The following EXOC6B variants were observed in gnomAD, a reference collection of about 807,000 sequenced individuals.
EXOC6B encodes exocyst complex component 6B.
EXOC6B carries 54 observed loss-of-function variants against 113.5 expected under a neutral mutation model. That is an observed-to-expected ratio of 0.48 (90% CI 0.38 to 0.60). The LOEUF (loss-of-function observed/expected upper bound fraction) is 0.60. Among genes scored for constraint, EXOC6B ranks in the 20% least tolerant of loss-of-function variants. The probability of loss-of-function intolerance (pLI) is 0.00; values close to 1 mark genes in which losing one functional copy is unlikely to be tolerated. For missense variants in EXOC6B, 797 were observed against 977.5 expected, an observed-to-expected ratio of 0.82 and a Z score of 2.46; for synonymous variants, 357 against 339.0, an observed-to-expected ratio of 1.05 and a Z score of -0.58.
At chr2:72,455,854 G>A (rs1697198130) in intron 18 of EXOC6B, among the ~76,000 whole-genome samples, 1 of 151,930 alleles carries the variant, frequency 6.6e-6, no homozygotes, top group Admixed American at 6.6e-5. Context: ...AAACAGAGAG[G>A]GAGAGGACAC....
chr2:72,611,626 G>A (rs951346822), intron 6 of EXOC6B, among the ~76,000 whole-genome samples: 1 of 152,052 alleles, frequency 6.6e-6, no homozygotes, highest in African/African-American at 2.4e-5. Flanking sequence ...TGGTTGAGGA[G>A]GATATAGGAA....
chr2:72,426,710 G>A (rs1046388852), intron 18 of EXOC6B, among the ~76,000 whole-genome samples: 7 of 152,196 alleles, frequency 4.6e-5, no homozygotes, highest in Non-Finnish European at 7.3e-5. Context: ...TCCCCAGTGC[G>A]CTTATTTCCC....
chr2:72,788,458 G>A (rs17503444), intron 1 of EXOC6B, among the ~76,000 whole-genome samples: 5,203 of 152,134 alleles, frequency 0.034, 119 homozygotes, highest in Non-Finnish European at 0.05. Context: ...ATGAGGTATC[G>A]AATCTGGGGT....
intron 2 of EXOC6B, among the ~76,000 whole-genome samples, chr2:72,738,503 G>A (rs1263896828): frequency 1.3e-5 from 2 of 152,118 alleles, no homozygotes; most frequent in African/African-American, 2.4e-5. Flanking sequence ...TTGTATTAAT[G>A]TGTACACTTC....
intron 1 of EXOC6B, among the ~76,000 whole-genome samples, chr2:72,800,591 C>T (rs953766853): frequency 2.6e-5 from 4 of 152,162 alleles, no homozygotes; most frequent in African/African-American, 7.2e-5. Flanking sequence ...TTTCTCACAA[C>T]AGCCTTGTAA....
At chr2:72,307,960 T>C (rs1308601173) in intron 20 of EXOC6B, among the ~76,000 whole-genome samples, 1 of 152,164 alleles carries the variant, frequency 6.6e-6, no homozygotes, top group Non-Finnish European at 1.5e-5. Flanking sequence ...TAATATAAAA[T>C]AGAAGAAATA....
chr2:72,269,655 C>A (rs773701870), intron 20 of EXOC6B, among the ~76,000 whole-genome samples: 1 of 152,098 alleles, frequency 6.6e-6, no homozygotes, highest in Admixed American at 6.6e-5. Context: ...AAAAAAAAGG[C>A]AACCTTTGAC....
At chr2:72,659,026 A>G (rs1674814343) in intron 6 of EXOC6B, among the ~76,000 whole-genome samples, 1 of 152,094 alleles carries the variant, frequency 6.6e-6, no homozygotes, top group South Asian at 2.1e-4. Flanking sequence ...CATTTTCATT[A>G]CCATATTACT....
rs1022227262 is a variant in EXOC6B at position 72,292,675 on chromosome 2, A to G, written c.2196+42272T>C. 3.3e-5 allele frequency among the ~76,000 whole-genome samples: 5 copies of G among 152,132 alleles called. No individual in the cohort carries two copies. The East Asian group carries it at 7.7e-4, about 23-fold the overall frequency. Reference sequence around the variant, plus strand: ...AAGAAACTCCTTTGTTTTACTTACTACTAGTCACAACTTCTTCCTTCTGCA... The same window carrying G: ...AAGAAACTCCTTTGTTTTACTTACTGCTAGTCACAACTTCTTCCTTCTGCA... On this transcript the variant is annotated intron_variant, in intron 20 of 21. Coordinates refer to ENST00000272427, the MANE Select transcript of EXOC6B (RefSeq NM_015189.3).
chr2:72,633,351 ATGTTGTTGT>A (rs572167142), intron 6 of EXOC6B, among the ~76,000 whole-genome samples: 1 of 152,028 alleles, frequency 6.6e-6, no homozygotes, highest in Non-Finnish European at 1.5e-5. Flanking sequence ...CACACAATGT[ATGTTGTTGT>A]TGTTGTTGTT....
In EXOC6B at chr2:72,825,707, A is replaced by T; in HGVS notation, c.113+91T>A. Reference sequence around the variant, plus strand: ...CTCCGAAGGGAGGGGCCGGCGCCGGACCTGGGGACAGCCGGCCGGAGGCCC... The same window carrying T: ...CTCCGAAGGGAGGGGCCGGCGCCGGTCCTGGGGACAGCCGGCCGGAGGCCC... On this transcript the variant is annotated intron_variant, in intron 1 of 21. Coordinates refer to ENST00000272427, the MANE Select transcript of EXOC6B (RefSeq NM_015189.3). This position sits in a 1 kb window ranked among gnomAD's most constrained non-coding sequence, Gnocchi z 4.4. The T allele has an allele frequency of 7.2e-7, 1 of 1,388,228 alleles. No homozygotes were observed. The allele number at this position is 1,388,228 out of a possible 1,614,324, so 86.0% of individuals were successfully genotyped here.
intron 19 of EXOC6B, among the ~76,000 whole-genome samples, chr2:72,344,335 A>G (rs2104917430): frequency 6.6e-6 from 1 of 152,152 alleles, no homozygotes; most frequent in South Asian, 2.1e-4. Context: ...CATCATTTCC[A>G]TGAATTTCTT....
chr2:72,523,774 C>G (rs573737173), intron 8 of EXOC6B, among the ~76,000 whole-genome samples: 283 of 102,590 alleles, frequency 2.8e-3, no homozygotes, highest in South Asian at 6.8e-3. Context: ...GAGCGAGACT[C>G]CATCTCAAAA....
At chr2:72,271,104 C>T (rs1226334197) in intron 20 of EXOC6B, among the ~76,000 whole-genome samples, 1 of 152,148 alleles carries the variant, frequency 6.6e-6, no homozygotes, top group East Asian at 1.9e-4. Context: ...GGTACTTTGA[C>T]ATGTTTCCTA....
chr2:72,657,226 T>TA (rs1674647447), intron 6 of EXOC6B, among the ~76,000 whole-genome samples: 1 of 21,074 alleles, frequency 4.7e-5, no homozygotes, highest in South Asian at 0.013. Flanking sequence ...CACAACTGTC[T>TA]TTTTTTTTTT....
intron 20 of EXOC6B, among the ~76,000 whole-genome samples, chr2:72,322,748 C>T (rs921663060): frequency 6.6e-6 from 1 of 152,036 alleles, no homozygotes; most frequent in African/African-American, 2.4e-5. Context: ...GAAAGGATTC[C>T]CTATTTAATA....
At chr2:72,311,775 A>T (rs1465843082) in intron 20 of EXOC6B, among the ~76,000 whole-genome samples, 5 of 152,186 alleles carry the variant, frequency 3.3e-5, no homozygotes, top group Admixed American at 3.3e-4. Context: ...AGAGTAAATG[A>T]AGAACAGAGG....
At chr2:72,398,386 C>T (rs115243230) in intron 18 of EXOC6B, among the ~76,000 whole-genome samples, 1,563 of 152,208 alleles carry the variant, frequency 0.01, 31 homozygotes, top group African/African-American at 0.035. Flanking sequence ...CCTGGCTCTC[C>T]AGATTGCCAA....
chr2:72,572,729 A>C (rs958197949), intron 7 of EXOC6B, among the ~76,000 whole-genome samples: 1 of 152,228 alleles, frequency 6.6e-6, no homozygotes, highest in Admixed American at 6.5e-5. Flanking sequence ...ATTTATTCAC[A>C]CCATGCAAGA....
Sources: gnomAD v4.1 joint callset for allele counts (sites outside exome capture counted in the v4.1 genomes callset) on GRCh38, gnomAD v4.1.1 for gene constraint, Gnocchi (gnomAD v3.1) non-coding constraint, MANE v1.5 for transcripts, NCBI Gene and HGNC (gene_info 2026-07-23, HGNC 2026-07-21) for gene names.